NELL2: variants seen among roughly 807,000 people sequenced by gnomAD.
The protein encoded by NELL2 is neural EGFL like 2.
Under a neutral mutation model 109.6 loss-of-function variants are expected in NELL2, and 41 were observed. The ratio of observed to expected loss-of-function variants is 0.37; its 90% CI spans 0.29 to 0.49. The LOEUF is 0.49. NELL2 is among the 20% of genes least tolerant of loss of function. The pLI, the probability that NELL2 is intolerant of heterozygous loss-of-function variation, is 0.98. For missense variants in NELL2, 900 were observed against 1,008.3 expected (o/e 0.89, Z 1.45); for synonymous variants, 355 against 344.7 (o/e 1.03, Z -0.33).
intron 15 of NELL2, among the ~76,000 whole-genome samples, chr12:44,541,114 G>A (rs981014251): frequency 5.3e-5 from 8 of 151,720 alleles, no homozygotes; most frequent in African/African-American, 1.9e-4. Flanking sequence ...AGCCAGGTGT[G>A]GTGGTGGCTG....
intron 15 of NELL2, among the ~76,000 whole-genome samples, chr12:44,564,836 C>T (rs1383831137): frequency 6.6e-6 from 1 of 152,136 alleles, no homozygotes; most frequent in Non-Finnish European, 1.5e-5. Context: ...AATATAATTC[C>T]TGTGCATTTG....
chr12:44,766,952 T>C (rs994263669), intron 9 of NELL2, among the ~76,000 whole-genome samples: 31 of 152,228 alleles, frequency 2.0e-4, no homozygotes, highest in Non-Finnish European at 2.9e-5. Flanking sequence ...TCAAGGATTT[T>C]AATAATGAAG....
chr12:44,734,116 C>A (rs1346512959), intron 9 of NELL2, among the ~76,000 whole-genome samples: 3 of 151,932 alleles, frequency 2.0e-5, no homozygotes, highest in Non-Finnish European at 2.9e-5. Context: ...ATGTATTTGT[C>A]TATTGTTCCT....
chr12:44,910,532 T>G (rs1242076744), intron 1 of NELL2, among the ~76,000 whole-genome samples: 1 of 152,046 alleles, frequency 6.6e-6, no homozygotes, highest in Non-Finnish European at 1.5e-5. Context: ...GTTCAACCAC[T>G]GTGGAATACA....
chr12:44,742,714 A>G (rs1459695303), intron 9 of NELL2, among the ~76,000 whole-genome samples: 3 of 152,322 alleles, frequency 2.0e-5, no homozygotes, highest in East Asian at 3.9e-4. Flanking sequence ...GATGGAAGAC[A>G]AAATGAATGA....
chr12:44,874,335 C>T (rs914010235), intron 2 of NELL2, among the ~76,000 whole-genome samples: 6 of 152,134 alleles, frequency 3.9e-5, no homozygotes, highest in African/African-American at 1.2e-4. Flanking sequence ...TTCTCTTTTG[C>T]CTTCATGTAT....
intron 12 of NELL2, among the ~76,000 whole-genome samples, chr12:44,685,405 T>C (rs917925542): frequency 2.6e-5 from 4 of 152,164 alleles, no homozygotes; most frequent in Non-Finnish European, 4.4e-5. Flanking sequence ...CAGCATTTAG[T>C]CCATTGACAT....
At chr12:44,688,062 C>A (rs558947562) in intron 12 of NELL2, among the ~76,000 whole-genome samples, 6 of 152,060 alleles carry the variant, frequency 3.9e-5, no homozygotes, top group Non-Finnish European at 8.8e-5. Context: ...TATTTATTTA[C>A]AGAAAAATAA....
At chr12:44,794,506 C>A (rs1037669898) in intron 3 of NELL2, among the ~76,000 whole-genome samples, 10 of 152,082 alleles carry the variant, frequency 6.6e-5, no homozygotes, top group African/African-American at 2.4e-4. Context: ...AGCAACAGCA[C>A]CCCGGTCAGT....
chr12:44,587,271 C>CAAAAAAA (rs1194091069), intron 15 of NELL2, among the ~76,000 whole-genome samples: 1,691 of 27,844 alleles, frequency 0.061, 205 homozygotes, highest in Non-Finnish European at 0.072. Context: ...GACTCCGTCT[C>CAAAAAAA]AAAAAAAAAA....
intron 15 of NELL2, among the ~76,000 whole-genome samples, chr12:44,604,817 GCT>G (rs1945338848): frequency 6.6e-6 from 1 of 152,086 alleles, no homozygotes; most frequent in Admixed American, 6.6e-5. Context: ...TCAGATTTGT[GCT>G]CTGTTATTCT....
At chr12:44,874,073 T>G (rs550340600) in intron 2 of NELL2, among the ~76,000 whole-genome samples, 2 of 152,296 alleles carry the variant, frequency 1.3e-5, no homozygotes, top group South Asian at 4.2e-4. Context: ...AAGCTTTGGT[T>G]TTAGTGTCCA....
At chr12:44,741,183 A>T (rs1939938182) in intron 9 of NELL2, among the ~76,000 whole-genome samples, 1 of 152,214 alleles carries the variant, frequency 6.6e-6, no homozygotes, top group Non-Finnish European at 1.5e-5. Context: ...ACTTCCACTT[A>T]ATAAATAGTA....
At chr12:44,542,447 G>C (rs773077894) in intron 15 of NELL2, among the ~76,000 whole-genome samples, 1 of 152,068 alleles carries the variant, frequency 6.6e-6, no homozygotes, top group Non-Finnish European at 1.5e-5. Context: ...AATGCCACTA[G>C]TACATTGAAA....
At chr12:44,752,045 G>A (rs2136528565) in intron 9 of NELL2, among the ~76,000 whole-genome samples, 1 of 152,274 alleles carries the variant, frequency 6.6e-6, no homozygotes, top group South Asian at 2.1e-4. Flanking sequence ...ATCCTGGGCT[G>A]CATGCAGCCC....
chr12:44,685,715 CT>C (rs1284332456), intron 12 of NELL2, among the ~76,000 whole-genome samples: 1 of 152,104 alleles, frequency 6.6e-6, no homozygotes, highest in African/African-American at 2.4e-5. Context: ...GTTGAAAATT[CT>C]TTTCTTTAAG....
intron 2 of NELL2, among the ~76,000 whole-genome samples, chr12:44,827,746 C>T (rs151048753): frequency 5.8e-4 from 88 of 152,246 alleles, no homozygotes; most frequent in African/African-American, 2.0e-3. Context: ...CAAATCTTGG[C>T]TATTGTGACT....
At chr12:44,809,931 G>A (rs1943120304) in intron 3 of NELL2, among the ~76,000 whole-genome samples, 1 of 152,068 alleles carries the variant, frequency 6.6e-6, no homozygotes, top group Non-Finnish European at 1.5e-5. Context: ...TTGCCATATA[G>A]CTTATTACAG....
At chr12:44,645,053 A>G (rs1947041986) in intron 13 of NELL2, among the ~76,000 whole-genome samples, 1 of 152,074 alleles carries the variant, frequency 6.6e-6, no homozygotes, top group African/African-American at 2.4e-5. Context: ...GAGAGGGAAG[A>G]ATTATGTTTC....
Sources: allele counts gnomAD v4.1 joint callset (sites outside exome capture counted in the v4.1 genomes callset), GRCh38; gene constraint gnomAD v4.1.1; transcripts MANE v1.5; gene names NCBI Gene and HGNC (gene_info 2026-07-23, HGNC 2026-07-21).